The following SLC6A14 variants were observed in gnomAD, a reference collection of about 807,000 sequenced individuals.
SLC6A14 encodes sodium- and chloride-dependent neutral and basic amino acid transporter B(0+).
In SLC6A14, 21 loss-of-function variants were observed where a neutral mutation model predicts 51.4. The observed-to-expected ratio is 0.41, with a 90% CI of 0.29 to 0.59. SLC6A14 has a LOEUF of 0.59. Ranked by LOEUF, SLC6A14 falls within the 20% of genes least tolerant of loss-of-function variation. The pLI, the probability that SLC6A14 is intolerant of heterozygous loss-of-function variation, is 0.31. For synonymous variants in SLC6A14, 177 were observed against 160.7 expected (o/e 1.10, Z -0.77); for missense variants, 371 against 472.8 (o/e 0.78, Z 2.00).
chrX:116,438,083 T>G (rs1341930279), intron 2 of SLC6A14, 128 bp downstream of exon 2: 1 of 496,145 alleles, frequency 2.0e-6, no homozygotes, highest in Non-Finnish European at 3.2e-6. Flanking sequence ...TTTGGGTTAG[T>G]GGGAGAATGA....
chrX:116,451,973 GTACAATTA>G lies in SLC6A14; in HGVS notation c.1159+307_1159+314del, dbSNP rs782092482. Among the ~76,000 whole-genome samples the G allele has an allele frequency of 6.3e-5, 7 of 111,696 alleles. No individual in the cohort carries two copies. In the East Asian group the frequency reaches 2.0e-3, roughly 31 times the overall value. On this transcript the variant is annotated intron_variant, in intron 8 of 13. Coordinates refer to ENST00000598581, the MANE Select transcript of SLC6A14 (RefSeq NM_007231.5). The stretch of plus-strand genomic sequence containing the variant: ...GAAAATGTGTATACAAATTTCCTCT[GTACAATTA>G]TACTATTGGGTTTGAATTTTTAAAA...
chrX:116,436,746 AG>A lies in SLC6A14; in HGVS notation c.40del (p.Glu14ArgfsTer36). ...KLKCPSFFKC[R>X]EKEKVSASSE... ...GAAATGCCCGAGTTTCTTCAAGTGC[AG>A]GGAGAAGGAGGTAGGGGTCTGGGAG... On this transcript the variant is annotated frameshift_variant, in exon 1 of 14. Transcript: ENST00000598581. LOFTEE classifies it high-confidence loss of function. 1 of 1,165,313 alleles carries A rather than the reference AG, an allele frequency of 8.6e-7. No homozygotes were observed. The highest frequency in any genetic ancestry group is 1.1e-6 in the Non-Finnish European group (1 of 871,644).
chrX:116,455,390 T>A lies in SLC6A14; in HGVS notation c.1538T>A (p.Met513Lys), dbSNP rs1556694726. The A allele has an allele frequency of 1.7e-6, 2 of 1,207,159 alleles. No individual in the cohort carries two copies. Residue 513 changes from methionine to lysine, a missense_variant, in exon 12 of 14, where the codon ATG becomes AAG. Met to Lys is a moderately conservative substitution (Grantham distance 95). This residue lies in a region of SLC6A14 where 277 missense variants were observed against 391.8 expected (regional missense o/e 0.71). Transcript: ENST00000598581. ...GNRFIEDTEMMIGAKRWIFWL... is the reference protein window; with the variant it reads ...GNRFIEDTEMKIGAKRWIFWL... ...AGATTCATTGAGGATACAGAAATGA[T>A]GATTGGAGCAAAGAGGTGGATATTC...
At chrX:116,449,317 T>C (rs1236663511) in intron 7 of SLC6A14, among the ~76,000 whole-genome samples, 1 of 111,709 alleles carries the variant, frequency 9.0e-6, no homozygotes, top group Non-Finnish European at 1.9e-5. Context: ...TCCCTTTTGT[T>C]TGCAACCTAG....
In SLC6A14 at chrX:116,458,858, A is replaced by C; in HGVS notation, c.1832A>C (p.Glu611Ala). 8.3e-7 allele frequency: 1 copy of C among 1,206,031 alleles called. No homozygotes were observed. The highest frequency in any genetic ancestry group is 1.8e-5 in the South Asian group (1 of 55,952). Residue 611 changes from glutamate to alanine, a missense_variant, in exon 14 of 14, where the codon GAA becomes GCA. Transcript: ENST00000598581. ...RPASNWGPYL[E>A]QHRGERYKDM... ...GCTTCTAACTGGGGTCCATACCTGG[A>C]ACAACATCGTGGGGAAAGATATAAA...
intron 2 of SLC6A14, 70 bp downstream of exon 2, chrX:116,438,025 T>C (rs1239934671): frequency 2.3e-5 from 20 of 857,597 alleles, no homozygotes; most frequent in Non-Finnish European, 3.1e-5. Context: ...TCTGTATGGC[T>C]TCTGAGAATA....
In SLC6A14 at chrX:116,437,966, TCACCCCCACCCTCC is replaced by T; in HGVS notation, c.214+19_214+32del. 1 of 1,148,398 alleles carries T rather than the reference TCACCCCCACCCTCC, an allele frequency of 8.7e-7. No individual in the cohort carries two copies. The highest frequency in any genetic ancestry group is 1.2e-6 in the Non-Finnish European group (1 of 854,561). The allele number at this position is 1,148,398 out of a possible 1,213,427, so 94.6% of individuals were successfully genotyped here. Reference sequence around the variant, plus strand: ...ACAGCAATGGTGGAGGTATTCTATTTCACCCCCACCCTCCCACCCCCGCTTTTCCCTCCAGTTTT... The same window carrying T: ...ACAGCAATGGTGGAGGTATTCTATTTCACCCCCGCTTTTCCCTCCAGTTTT... On this transcript the variant is annotated intron_variant, in intron 2 of 13. Transcript: ENST00000598581.
rs1556695126 is a variant in SLC6A14 at position 116,460,727 on chromosome X, C to T, written c.*1772C>T. ...GGGACTACAGGTGCCCGCCACCACA[C>T]CAGCTAATTTTTGTATTTTTAGTAG... On this transcript the variant is annotated 3_prime_UTR_variant, in exon 14 of 14. Coordinates refer to ENST00000598581, the MANE Select transcript of SLC6A14 (RefSeq NM_007231.5). The T allele has an allele frequency of 9.2e-6, 1 of 108,277 alleles. No individual in the cohort carries two copies. Among genetic ancestry groups the T allele is most frequent in the Non-Finnish European group, 1.9e-5 (1 of 52,435 alleles). The allele number at this position is 108,277 out of a possible 1,213,427, so 8.9% of individuals were successfully genotyped here.
In SLC6A14 at chrX:116,437,969, C is replaced by CGGGGCG; in HGVS notation, c.214+14_214+15insGGGGCG. The CGGGGCG allele has an allele frequency of 1.8e-6, 2 of 1,096,518 alleles. No homozygotes were observed. The highest frequency in any genetic ancestry group is 1.2e-6 in the Non-Finnish European group (1 of 820,828). 90.4% of individuals were successfully genotyped at this position (1,096,518 alleles called of 1,213,427 possible). A position where few individuals can be genotyped will look rare whatever the true frequency, so the allele number is the denominator to read the frequency against. ...GCAATGGTGGAGGTATTCTATTTCA[C>CGGGGCG]CCCCACCCTCCCACCCCCGCTTTTC... On this transcript the variant is annotated intron_variant, in intron 2 of 13. Coordinates refer to ENST00000598581, the MANE Select transcript of SLC6A14 (RefSeq NM_007231.5).
chrX:116,447,968 T>C (rs1475162508), intron 7 of SLC6A14, among the ~76,000 whole-genome samples: 3 of 111,922 alleles, frequency 2.7e-5, no homozygotes, highest in African/African-American at 9.7e-5. Context: ...AAACCTGTAA[T>C]TTTATGTTGA....
At chrX:116,444,824 G>T in intron 5 of SLC6A14, 94 bp from the exon 6 acceptor site, 2 of 921,470 alleles carry the variant, frequency 2.2e-6, no homozygotes, top group Non-Finnish European at 3.1e-6. Context: ...CAATATTCAT[G>T]AAGCTTCGAC....
chrX:116,451,049 G>A (rs73590230), intron 7 of SLC6A14, among the ~76,000 whole-genome samples: 8,397 of 112,311 alleles, frequency 0.075, 750 homozygotes, highest in African/African-American at 0.26. Context: ...GAATTACAAA[G>A]TGGACATTTT....
rs782734696 is a variant in SLC6A14 at position 116,441,037 on chromosome X, C to G, written c.286C>G (p.Leu96Val). 8.3e-7 allele frequency: 1 copy of G among 1,210,018 alleles called. No homozygotes were observed. The highest frequency in any genetic ancestry group is 2.2e-5 in the Admixed American group (1 of 46,001). Residue 96 changes from leucine to valine, a missense_variant, in exon 3 of 14, where the codon CTG (leucine) becomes GTG (valine). By Grantham distance (32) the Leu-to-Val change is conservative. Transcript: ENST00000598581. ...ACCTTTGTTCTTTCTGGAGTGTTCA[C>G]TGGGACAATTTGCTAGCTTAGGTCC... ...GLPLFFLECS[L>V]GQFASLGPVS...
chrX:116,455,990 G>A (rs1556694769), intron 12 of SLC6A14, among the ~76,000 whole-genome samples: 12 of 111,208 alleles, frequency 1.1e-4, no homozygotes. Flanking sequence ...GTGTCAATAA[G>A]GGCAATGGTT....
rs1556694737 is a variant in SLC6A14 at position 116,455,457 on chromosome X, C to T, written c.1605C>T (p.Ile535=). ...WRACWFVITP[I]LLIAIFIWSL... ...CTTGCTGGTTTGTAATTACGCCTATCCTTTTGATTGTAAGTAATAATACAC... is the reference window on the plus strand; with the variant it reads ...CTTGCTGGTTTGTAATTACGCCTATTCTTTTGATTGTAAGTAATAATACAC... Residue 535 remains isoleucine, a synonymous_variant, in exon 12 of 14, where the codon ATC becomes ATT. Transcript: ENST00000598581. 3 of 1,156,263 alleles carry T rather than the reference C, an allele frequency of 2.6e-6. No homozygotes were observed. The South Asian group carries it at 5.4e-5, about 21-fold the overall frequency.
At chrX:116,446,993 T>A in intron 7 of SLC6A14, 112 bp downstream of exon 7, 1 of 584,053 alleles carries the variant, frequency 1.7e-6, no homozygotes, top group Non-Finnish European at 2.6e-6. Flanking sequence ...CAAAATAATA[T>A]ACAGTTAAAT....
At chrX:116,442,306 C>T (rs1311265939) in intron 3 of SLC6A14, among the ~76,000 whole-genome samples, 1 of 112,139 alleles carries the variant, frequency 8.9e-6, no homozygotes, top group Non-Finnish European at 1.9e-5. Context: ...CACTCTGATG[C>T]CCAGGCTGGA....
intron 3 of SLC6A14, among the ~76,000 whole-genome samples, chrX:116,441,643 G>C (rs1249901245): frequency 9.0e-6 from 1 of 111,640 alleles, no homozygotes; most frequent in Non-Finnish European, 1.9e-5. Context: ...TTTGGTATGT[G>C]CTAGCTGCTG....
chrX:116,447,231 T>C (rs1556694092), intron 7 of SLC6A14, among the ~76,000 whole-genome samples: 2 of 112,139 alleles, frequency 1.8e-5, no homozygotes, highest in Non-Finnish European at 3.8e-5. Context: ...TGTGATTTAT[T>C]GGATAAACTC....
Sources: gnomAD v4.1 joint callset for allele counts (sites outside exome capture counted in the v4.1 genomes callset) on GRCh38, gnomAD v4.1.1 for gene constraint, gnomAD v4.1.1 regional missense constraint, MANE v1.5 for transcripts, NCBI Gene and HGNC (gene_info 2026-07-23, HGNC 2026-07-21) for gene names.